CACNA1G: variants seen among roughly 807,000 people sequenced by gnomAD.
CACNA1G encodes the protein calcium voltage-gated channel subunit alpha1 G.
Under a neutral mutation model 219.4 loss-of-function variants are expected in CACNA1G, and 67 were observed. That is an observed-to-expected ratio of 0.31 (90% confidence interval 0.25 to 0.37). The LOEUF is 0.37. Ranked by LOEUF, CACNA1G falls within the 10% of genes least tolerant of loss-of-function variation. The probability of loss-of-function intolerance (pLI) is 1.00; values close to 1 mark genes in which losing one functional copy is unlikely to be tolerated. For missense variants in CACNA1G, 2,380 were observed against 3,231.4 expected (o/e 0.74, Z 6.39); for synonymous variants, 1,296 against 1,345.3 (o/e 0.96, Z 0.80).
chr17:50,565,904 T>C (rs543858706), intron 1 of CACNA1G, among the ~76,000 whole-genome samples: 7 of 152,290 alleles, frequency 4.6e-5, no homozygotes, highest in African/African-American at 1.4e-4. Context: ...TGGTGGGTTG[T>C]GGGGAGAAGA....
At position 50,626,614 on chromosome 17, in the gene CACNA1G, A is replaced by C. The variant is rs890787120; in HGVS notation, c.6997A>C (p.Arg2333=). Reference sequence around the variant, plus strand: ...GCCCAGCCCTGGTATCTGCCTCCGGAGGAGGGCTCCGTCCAGCGACTCCAA... The same window carrying C: ...GCCCAGCCCTGGTATCTGCCTCCGGCGGAGGGCTCCGTCCAGCGACTCCAA... The part of the protein sequence containing the change: ...TPPSPGICLR[R]RAPSSDSKDP... The change falls in exon 38 of 38, where the codon AGG becomes CGG. Residue 2333 remains arginine, a synonymous_variant. Coordinates refer to ENST00000359106, the MANE Select transcript of CACNA1G (RefSeq NM_018896.5). This position sits in a 1 kb window ranked among gnomAD's most constrained non-coding sequence, Gnocchi z 4.3. 2.5e-6 allele frequency: 4 copies of C among 1,611,812 alleles called. No homozygotes were observed. The highest frequency in any genetic ancestry group is 3.4e-6 in the Non-Finnish European group (4 of 1,179,606).
In CACNA1G at chr17:50,596,881, C is replaced by T. The variant is rs61408578; in HGVS notation, c.3216C>T (p.Ser1072=). The change falls in exon 16 of 38, where the codon AGC becomes AGT. Residue 1072 remains serine, a synonymous_variant. Coordinates refer to ENST00000359106, the MANE Select transcript of CACNA1G (RefSeq NM_018896.5). The surrounding 1 kb of genome is among the most constrained non-coding windows in gnomAD (Gnocchi z 4.8). ...CTGCGTCGCGCCGCACCAGCAGCAG[C>T]GGGTCGGCAGAGCCTGGGGCGGCCC... is the stretch of plus-strand genomic sequence containing the variant. ...LGPASRRTSS[S]GSAEPGAAHE... 2.1e-5 allele frequency: 34 copies of T among 1,586,956 alleles called. No homozygotes were observed. The highest frequency in any genetic ancestry group is 2.7e-5 in the African/African-American group (2 of 74,228).
In CACNA1G at chr17:50,603,170, G is replaced by A; in HGVS notation, c.4140G>A (p.Leu1380=). 3.1e-6 allele frequency: 5 copies of A among 1,608,302 alleles called. No homozygotes were observed. The highest frequency in any genetic ancestry group is 4.2e-6 in the Non-Finnish European group (5 of 1,179,724). The change falls in exon 21 of 38, where the codon CTG becomes CTA. Residue 1380 remains leucine, a synonymous_variant. Coordinates refer to ENST00000359106, the MANE Select transcript of CACNA1G (RefSeq NM_018896.5). This position sits in a 1 kb window ranked among gnomAD's most constrained non-coding sequence, Gnocchi z 6.4. ...GTKILGMLRV[L]RLLRTLRPLR... is the part of the protein sequence containing the mutation. The stretch of plus-strand genomic sequence containing the variant: ...AGATCCTGGGCATGCTGAGGGTGCT[G>A]CGGCTGCTGCGGACCCTGCGCCCGC...
rs369775434 is a variant in CACNA1G, at chr17:50,571,931, G to A, written c.640G>A (p.Val214Ile). Residue 214 changes from valine (V) to isoleucine (I), a missense_variant, in exon 5 of 38, where the codon GTC becomes ATC. Physicochemically the swap from Val to Ile is conservative, Grantham distance 29. Around this residue, in one of 17 missense-constraint regions of CACNA1G, gnomAD observed 56 missense variants for 135.8 expected, o/e 0.41. Transcript: ENST00000359106. The surrounding 1 kb of genome is among the most constrained non-coding windows in gnomAD (Gnocchi z 4.3). ...GGATACGCTGCCCATGCTGGGCAAC[G>A]TCCTGCTGCTCTGCTTCTTCGTCTT... is the stretch of plus-strand genomic sequence containing the variant. ...LLDTLPMLGN[V>I]LLLCFFVFFI... 8 of 1,613,872 alleles carry A rather than the reference G, an allele frequency of 5.0e-6. No homozygotes were observed. The highest frequency in any genetic ancestry group is 5.9e-6 in the Non-Finnish European group (7 of 1,179,870).
intron 9 of CACNA1G, among the ~76,000 whole-genome samples, chr17:50,582,553 C>G (rs2042175596): frequency 6.6e-6 from 1 of 152,054 alleles, no homozygotes; most frequent in Non-Finnish European, 1.5e-5. Flanking sequence ...CTGACCATAT[C>G]CAGCAGGCTG....
chr17:50,599,497 C>G lies in CACNA1G; in HGVS notation c.3328C>G (p.Arg1110Gly), dbSNP rs772013231. The G allele has an allele frequency of 2.5e-6, 4 of 1,601,182 alleles. No individual in the cohort carries two copies. Among genetic ancestry groups the G allele is most frequent in the Non-Finnish European group, 3.4e-6 (4 of 1,174,582 alleles). ...CAGCTGGACCAGCAGGCGCTCCAGC[C>G]GGAACAGCCTCGGCCGTGCACCCAG... Reference protein sequence around the residue: ...ASSWTSRRSSRNSLGRAPSLK... With the variant: ...ASSWTSRRSSGNSLGRAPSLK... The change falls in exon 17 of 38, where the codon CGG (arginine) becomes GGG (glycine). Residue 1110 changes from arginine (R) to glycine (G), a missense_variant. Physicochemically the swap from Arg to Gly is moderately radical, Grantham distance 125. Coordinates refer to ENST00000359106, the MANE Select transcript of CACNA1G (RefSeq NM_018896.5).
At chr17:50,614,045 G>A (rs2049884382) in intron 26 of CACNA1G, among the ~76,000 whole-genome samples, 1 of 152,242 alleles carries the variant, frequency 6.6e-6, no homozygotes, top group Non-Finnish European at 1.5e-5. Flanking sequence ...ACACCTCAAG[G>A]CCGATGCTGG....
At position 50,609,867 on chromosome 17, in the gene CACNA1G, G is replaced by C. The variant is rs1198659185; in HGVS notation, c.4706-15G>C. On this transcript the variant is annotated splice_polypyrimidine_tract_variant and intron_variant, in intron 25 of 37. Transcript: ENST00000359106. ...TGGTCCGGCCAGTGACCAATGTCGT[G>C]TTTCGTTCTTTTAGATCTAATGCTG... is the stretch of plus-strand genomic sequence containing the variant. 1 of 1,610,466 alleles carries C rather than the reference G, an allele frequency of 6.2e-7. No homozygotes were observed. The highest frequency in any genetic ancestry group is 1.1e-5 in the South Asian group (1 of 91,056).
chr17:50,583,056 T>A (rs2042273300), intron 9 of CACNA1G, among the ~76,000 whole-genome samples: 1 of 152,120 alleles, frequency 6.6e-6, no homozygotes, highest in South Asian at 2.1e-4. Context: ...GGTCATAGAC[T>A]CCTTTTCAGT....
intron 9 of CACNA1G, among the ~76,000 whole-genome samples, chr17:50,580,941 T>G (rs1598233826): frequency 1.4e-5 from 2 of 147,434 alleles, no homozygotes; most frequent in Admixed American, 6.7e-5. Flanking sequence ...GAGTGGGGGG[T>G]TGCCAGGGAA....
intron 16 of CACNA1G, among the ~76,000 whole-genome samples, chr17:50,597,686 G>A (rs1037337408): frequency 6.6e-6 from 1 of 152,058 alleles, no homozygotes; most frequent in South Asian, 2.1e-4. Context: ...TATGCATTAC[G>A]TTATTATTGA....
rs2051031311 is a variant in CACNA1G, at chr17:50,618,443, C to A, written c.5427+100C>A. On this transcript the variant is annotated intron_variant, in intron 32 of 37. Coordinates refer to ENST00000359106, the MANE Select transcript of CACNA1G (RefSeq NM_018896.5). The surrounding 1 kb of genome is among the most constrained non-coding windows in gnomAD (Gnocchi z 5.3). Reference sequence around the variant, plus strand: ...ATTGGCCACAAATAAAAGCATGTGACCTTCTCTCCCCCGTGCTAGAACACT... The same window carrying A: ...ATTGGCCACAAATAAAAGCATGTGAACTTCTCTCCCCCGTGCTAGAACACT... 2 of 1,475,598 alleles carry A rather than the reference C, an allele frequency of 1.4e-6. No individual in the cohort carries two copies. The highest frequency in any genetic ancestry group is 2.3e-5 in the East Asian group (1 of 43,972). 91.4% of individuals were successfully genotyped at this position (1,475,598 alleles called of 1,614,324 possible).
chr17:50,626,430 C>T lies in CACNA1G; in HGVS notation c.6813C>T (p.Ala2271=), dbSNP rs59641941. 7.3e-3 allele frequency: 11,702 copies of T among 1,608,122 alleles called. 307 individuals carry two copies. The African/African-American group carries it at 0.077, about 11-fold the overall frequency. Residue 2271 remains alanine (A), a synonymous_variant, in exon 38 of 38, where the codon GCC becomes GCT. Coordinates refer to ENST00000359106, the MANE Select transcript of CACNA1G (RefSeq NM_018896.5). This position sits in a 1 kb window ranked among gnomAD's most constrained non-coding sequence, Gnocchi z 4.3. ...WLDEQRRHSI[A]VSCLDSGSQP... ...ATGAGCAGAGGAGACACTCTATCGC[C>T]GTCAGCTGCCTGGACAGCGGCTCCC...
chr17:50,566,679 C>T (rs1399527898), intron 1 of CACNA1G, among the ~76,000 whole-genome samples: 4 of 152,232 alleles, frequency 2.6e-5, no homozygotes, highest in African/African-American at 4.8e-5. Flanking sequence ...ACACATCTGG[C>T]TTCTAGGCAG....
Position 50,618,488 on chromosome 17 carries a change from G to C in CACNA1G, c.5427+145G>C. 8.0e-7 allele frequency: 1 copy of C among 1,242,510 alleles called. No homozygotes were observed. The allele number at this position is 1,242,510 out of a possible 1,614,324, so 77.0% of individuals were successfully genotyped here. On this transcript the variant is annotated intron_variant, in intron 32 of 37. Transcript: ENST00000359106. This position sits in a 1 kb window ranked among gnomAD's most constrained non-coding sequence, Gnocchi z 5.3. The stretch of plus-strand genomic sequence containing the variant: ...AACACTCTGGAACTCCCTCTCCCAG[G>C]AACATGCTCTGACTCACACTTGTAG...
chr17:50,591,234 A>G (rs1185547023), intron 10 of CACNA1G, among the ~76,000 whole-genome samples: 2 of 152,082 alleles, frequency 1.3e-5, no homozygotes. Flanking sequence ...CAGGGAGGAG[A>G]GGGCGGAGGG....
intron 1 of CACNA1G, among the ~76,000 whole-genome samples, chr17:50,567,626 C>G (rs998824974): frequency 6.6e-5 from 10 of 152,148 alleles, no homozygotes; most frequent in Non-Finnish European, 1.2e-4. Context: ...CAATACCTCC[C>G]CCATCCCCAT....
In CACNA1G at chr17:50,597,066, T is replaced by C. The variant is rs1050893893; in HGVS notation, c.3258+143T>C. The C allele has an allele frequency of 6.1e-6, 5 of 824,040 alleles. No homozygotes were observed. The African/African-American group carries it at 8.6e-5, about 14-fold the overall frequency. The allele number at this position is 824,040 out of a possible 1,614,324, so 51.0% of individuals were successfully genotyped here. ...GCCTGGGTGTGCCTGGACAAGCCCCTGGGGAATCTGCGCCGGTGATGCAAA... is the reference window on the plus strand; with the variant it reads ...GCCTGGGTGTGCCTGGACAAGCCCCCGGGGAATCTGCGCCGGTGATGCAAA... On this transcript the variant is annotated intron_variant, in intron 16 of 37. Coordinates refer to ENST00000359106, the MANE Select transcript of CACNA1G (RefSeq NM_018896.5).
chr17:50,590,663 GT>G (rs1170394390), intron 10 of CACNA1G, 41 bp downstream of exon 10: 1 of 1,596,546 alleles, frequency 6.3e-7, no homozygotes, highest in Non-Finnish European at 8.6e-7. Context: ...TTGAGGAATG[GT>G]AGCAGGGGTG....
Sources: allele counts gnomAD v4.1 joint callset (sites outside exome capture counted in the v4.1 genomes callset), GRCh38; gene constraint gnomAD v4.1.1; regional missense constraint gnomAD v4.1.1; non-coding constraint Gnocchi (gnomAD v3.1); transcripts MANE v1.5; gene names NCBI Gene and HGNC (gene_info 2026-07-23, HGNC 2026-07-21).